The following TRAPPC8 variants were observed in gnomAD, a reference collection of about 807,000 sequenced individuals.
TRAPPC8 encodes the protein trafficking protein particle complex subunit 8.
TRAPPC8 carries 54 observed loss-of-function variants against 174.3 expected under a neutral mutation model. The ratio of observed to expected loss-of-function variants is 0.31; its 90% confidence interval spans 0.25 to 0.39. The LOEUF (loss-of-function observed/expected upper bound fraction) is 0.39, where lower values mean the gene tolerates loss of function less well. Ranked by LOEUF, TRAPPC8 falls within the 10% of genes least tolerant of loss-of-function variation. The probability of loss-of-function intolerance (pLI) is 1.00; values close to 1 mark genes in which losing one functional copy is unlikely to be tolerated. For missense variants in TRAPPC8, 1,531 were observed against 1,699.1 expected, an observed-to-expected ratio of 0.90 and a Z score of 1.74; for synonymous variants, 630 against 579.9, an observed-to-expected ratio of 1.09 and a Z score of -1.24.
intron 1 of TRAPPC8, among the ~76,000 whole-genome samples, chr18:31,938,527 G>A (rs1016033854): frequency 2.6e-4 from 39 of 151,896 alleles, no homozygotes; most frequent in African/African-American, 9.0e-4. Flanking sequence ...CCCTCTCTTT[G>A]GTATAGCTTT....
At chr18:31,849,415 G>A (rs142972912) in intron 25 of TRAPPC8, 151 bp downstream of exon 25, 9 of 639,974 alleles carry the variant, frequency 1.4e-5, no homozygotes, top group Non-Finnish European at 2.1e-5. Context: ...TCTTTTTTTA[G>A]GCCAAAAAAA....
intron 19 of TRAPPC8, among the ~76,000 whole-genome samples, chr18:31,863,317 T>C (rs1004329796): frequency 3.9e-5 from 6 of 152,224 alleles, no homozygotes; most frequent in Non-Finnish European, 7.3e-5. Context: ...TTGTAGTGTA[T>C]TGCGAAATTT....
At chr18:31,925,692 A>G (rs1278087262) in intron 2 of TRAPPC8, among the ~76,000 whole-genome samples, 15 of 152,208 alleles carry the variant, frequency 9.9e-5, no homozygotes, top group Admixed American at 9.8e-4. Context: ...ATAAACCCCA[A>G]CGTGAAATTT....
At chr18:31,886,130 C>T (rs1028951682) in intron 12 of TRAPPC8, among the ~76,000 whole-genome samples, 3 of 151,024 alleles carry the variant, frequency 2.0e-5, no homozygotes, top group East Asian at 4.0e-4. Flanking sequence ...CTCAGTCTCC[C>T]GAGTAGCTGG....
intron 9 of TRAPPC8, 84 bp from the exon 10 acceptor site, chr18:31,901,109 T>C (rs1373801342): frequency 9.6e-6 from 12 of 1,254,658 alleles, no homozygotes; most frequent in African/African-American, 1.6e-5. Context: ...TGGAATGAAA[T>C]TTGCTGTTTT....
At chr18:31,938,715 T>C (rs2038204940) in intron 1 of TRAPPC8, among the ~76,000 whole-genome samples, 1 of 152,168 alleles carries the variant, frequency 6.6e-6, no homozygotes, top group South Asian at 2.1e-4. Context: ...TCTAAGGAAA[T>C]GTTAGCTGGT....
chr18:31,883,150 G>T (rs1377079639), intron 12 of TRAPPC8: 2 of 150,944 alleles, frequency 1.3e-5, no homozygotes. Context: ...TTGAACCCAG[G>T]AGGCAGAGGT....
At chr18:31,871,203 T>TA (rs962578365) in intron 14 of TRAPPC8, 83 bp from the exon 15 acceptor site, 196 of 688,636 alleles carry the variant, frequency 2.8e-4, no homozygotes, top group African/African-American at 1.7e-3. Flanking sequence ...GGTACAGAAA[T>TA]AAAAAAATAT....
chr18:31,887,582 G>T (rs2035772835), intron 12 of TRAPPC8, among the ~76,000 whole-genome samples: 1 of 150,376 alleles, frequency 6.6e-6, no homozygotes, highest in Non-Finnish European at 1.5e-5. Flanking sequence ...GGAGGCAGAG[G>T]TTGCAGTGAG....
chr18:31,916,177 G>T, intron 4 of TRAPPC8, 95 bp downstream of exon 4: 1 of 892,802 alleles, frequency 1.1e-6, no homozygotes. Flanking sequence ...TTACATTCTT[G>T]TATCAAAAAT....
intron 2 of TRAPPC8, among the ~76,000 whole-genome samples, chr18:31,924,320 G>C (rs1019410964): frequency 9.2e-5 from 14 of 151,548 alleles, no homozygotes; most frequent in South Asian, 8.3e-4. Context: ...TGGGCGTCGT[G>C]GTGGGCGCCT....
At chr18:31,895,942 TCA>T (rs1451687538) in intron 11 of TRAPPC8, 2 of 152,234 alleles carry the variant, frequency 1.3e-5, no homozygotes, top group Non-Finnish European at 2.9e-5. Flanking sequence ...AATTAATGGT[TCA>T]GTTACAACAA....
intron 2 of TRAPPC8, among the ~76,000 whole-genome samples, chr18:31,918,239 G>A (rs2145552389): frequency 6.6e-6 from 1 of 151,968 alleles, no homozygotes; most frequent in Non-Finnish European, 1.5e-5. Context: ...ATATATATTT[G>A]CAAAAATAAA....
intron 21 of TRAPPC8, among the ~76,000 whole-genome samples, chr18:31,854,525 C>G (rs1324767992): frequency 6.6e-6 from 1 of 151,936 alleles, no homozygotes; most frequent in Non-Finnish European, 1.5e-5. Context: ...CCCTAAATAT[C>G]CTAGAAAGCA....
rs1356032546 is a variant in TRAPPC8, at chr18:31,873,521, T to A, written c.1971A>T (p.Ser657=). The part of the protein sequence containing the change: ...LYVYKNVSQL[S]PDGPLPQLPL... ...GAAGCTGTGGCAAAGGACCATCTGG[T>A]GACAGCTGACTTACATTCTGAGAGA... is the stretch of plus-strand genomic sequence containing the variant. The change falls in exon 14 of 29, where the codon TCA becomes TCT. Residue 657 remains serine (S), a synonymous_variant. Transcript: ENST00000283351. 6.2e-7 allele frequency: 1 copy of A among 1,612,908 alleles called. No individual in the cohort carries two copies.
At chr18:31,879,748 G>T (rs143016214) in intron 12 of TRAPPC8, among the ~76,000 whole-genome samples, 1 of 151,808 alleles carries the variant, frequency 6.6e-6, no homozygotes, top group African/African-American at 2.4e-5. Flanking sequence ...AAGAAGAGAT[G>T]ATTTTAATAA....
chr18:31,908,264 T>C (rs1323593321), intron 8 of TRAPPC8, 39 bp downstream of exon 8: 17 of 1,349,906 alleles, frequency 1.3e-5, no homozygotes, highest in Non-Finnish European at 1.8e-5. Context: ...GTCAGAGAGT[T>C]AAACAGAGGA....
chr18:31,887,845 G>A (rs2035790727), intron 12 of TRAPPC8, among the ~76,000 whole-genome samples: 1 of 151,902 alleles, frequency 6.6e-6, no homozygotes, highest in Admixed American at 6.6e-5. Context: ...GGACGTTCTG[G>A]CCAGGGCAAT....
At chr18:31,917,263 T>A (rs879370809) in intron 3 of TRAPPC8, among the ~76,000 whole-genome samples, 1 of 152,108 alleles carries the variant, frequency 6.6e-6, no homozygotes, top group Admixed American at 6.6e-5. Context: ...GTTAACATTG[T>A]TTAGATTTTC....
Sources: gnomAD v4.1 joint callset for allele counts (sites outside exome capture counted in the v4.1 genomes callset) on GRCh38, gnomAD v4.1.1 for gene constraint, MANE v1.5 for transcripts, NCBI Gene and HGNC (gene_info 2026-07-23, HGNC 2026-07-21) for gene names.